AOX1: variants seen among roughly 807,000 people sequenced by gnomAD.
AOX1 encodes aldehyde oxidase 1.
In AOX1, 153 loss-of-function variants were observed where a neutral mutation model predicts 169.5. The ratio of observed to expected loss-of-function variants is 0.90; its 90% CI spans 0.79 to 1.03. The LOEUF (loss-of-function observed/expected upper bound fraction) is 1.03. Ranked by LOEUF, AOX1 falls within the 50% of genes least tolerant of loss-of-function variation. The pLI, the probability that AOX1 is intolerant of heterozygous loss-of-function variation, is 0.00. For synonymous variants in AOX1, 562 were observed against 581.9 expected (o/e 0.97, Z 0.49); for missense variants, 1,656 against 1,663.9 (o/e 1.00, Z 0.08).
chr2:200,666,418 C>G (rs2035925425), intron 31 of AOX1, among the ~76,000 whole-genome samples: 1 of 152,154 alleles, frequency 6.6e-6, no homozygotes, highest in African/African-American at 2.4e-5. Context: ...CATCATACAG[C>G]TTGAATCAAA....
chr2:200,666,361 T>G (rs563950133), intron 31 of AOX1, among the ~76,000 whole-genome samples: 124 of 152,318 alleles, frequency 8.1e-4, no homozygotes, highest in African/African-American at 2.9e-3. Flanking sequence ...TTTCTTTTGT[T>G]GTGTCATATG....
Position 200,595,825 on chromosome 2 carries a change from ACT to A in AOX1, c.200+458_200+459del, listed in dbSNP as rs1231097417. ...TCATATATTACTCTTCCAGCCCCTA[ACT>A]TATCTCCTTCCTCCCATCTGGTGCA... On this transcript the variant is annotated intron_variant, in intron 3 of 34. Transcript: ENST00000374700. Among the ~76,000 whole-genome samples the A allele has an allele frequency of 2.0e-5, 3 of 152,152 alleles. No individual in the cohort carries two copies. In the East Asian group the frequency reaches 5.8e-4, roughly 29 times the overall value.
At chr2:200,649,513 G>C (rs2035536193) in intron 25 of AOX1, among the ~76,000 whole-genome samples, 1 of 152,152 alleles carries the variant, frequency 6.6e-6, no homozygotes, top group Non-Finnish European at 1.5e-5. Flanking sequence ...GGTCCTCTCA[G>C]GATTATTGCT....
intron 24 of AOX1, 131 bp from the exon 25 acceptor site, chr2:200,642,479 A>C: frequency 1.6e-6 from 1 of 607,034 alleles, no homozygotes; most frequent in Non-Finnish European, 2.8e-6. Context: ...AATTGGGGGC[A>C]TGGGAATATT....
chr2:200,647,423 T>C (rs2035478123), intron 25 of AOX1, among the ~76,000 whole-genome samples: 1 of 152,212 alleles, frequency 6.6e-6, no homozygotes, highest in African/African-American at 2.4e-5. Context: ...GAACAATCCT[T>C]TCTAGCTTGT....
Position 200,666,690 on chromosome 2 carries a change from A to T in AOX1, c.3547A>T (p.Ile1183Phe). The change falls in exon 32 of 35, where the codon ATC (isoleucine) becomes TTC (phenylalanine). Residue 1183 changes from isoleucine (I) to phenylalanine (F), a missense_variant. Transcript: ENST00000374700. ...TTTAACTTTTTTTTAATACTAGAAC[A>T]TCAGAACAGACATTGTCATGGATGT... ...IDCLTGDHKN[I>F]RTDIVMDVGC... 1 of 1,605,400 alleles carries T rather than the reference A, an allele frequency of 6.2e-7. No individual in the cohort carries two copies.
chr2:200,628,925 T>TCAAACAAA (rs201174501), intron 20 of AOX1, among the ~76,000 whole-genome samples: 7 of 151,990 alleles, frequency 4.6e-5, no homozygotes, highest in African/African-American at 1.2e-4. Flanking sequence ...AGACTCCATC[T>TCAAACAAA]CAAACAAACA....
chr2:200,603,477 T>C, intron 7 of AOX1, 121 bp downstream of exon 7: 1 of 667,472 alleles, frequency 1.5e-6, no homozygotes. Context: ...ACATGTGCCC[T>C]CTCCCATTCT....
chr2:200,595,493 A>T (rs901971007), intron 3 of AOX1, 125 bp downstream of exon 3: 28 of 575,690 alleles, frequency 4.9e-5, no homozygotes, highest in Non-Finnish European at 8.4e-5. Flanking sequence ...TTGGCGTACA[A>T]TGATGAACAA....
chr2:200,669,133 ATTAC>A (rs947991525), intron 33 of AOX1, among the ~76,000 whole-genome samples: 17 of 152,282 alleles, frequency 1.1e-4, no homozygotes, highest in African/African-American at 3.6e-4. Context: ...AAAAGATTAA[ATTAC>A]TTTTTGAAAC....
At chr2:200,606,574 G>A (rs746601695) in intron 10 of AOX1, among the ~76,000 whole-genome samples, 22 of 152,210 alleles carry the variant, frequency 1.4e-4, no homozygotes, top group Admixed American at 9.2e-4. Flanking sequence ...ACTTTGGGCA[G>A]TATGGCCATT....
chr2:200,655,058 G>C (rs2035655199), intron 26 of AOX1, among the ~76,000 whole-genome samples: 1 of 152,228 alleles, frequency 6.6e-6, no homozygotes, highest in Non-Finnish European at 1.5e-5. Context: ...CATGGGCCAA[G>C]TCCAACTATG....
intron 20 of AOX1, among the ~76,000 whole-genome samples, chr2:200,633,801 G>A (rs1574939229): frequency 6.6e-6 from 1 of 152,152 alleles, no homozygotes; most frequent in East Asian, 1.9e-4. Context: ...TATGTAATGA[G>A]ACTTTAGATC....
rs2035374618 is a variant in AOX1 at position 200,642,670 on chromosome 2, CG to C, written c.2720del (p.Gly907ValfsTer24). On this transcript the variant is annotated frameshift_variant, in exon 25 of 35. Transcript: ENST00000374700. LOFTEE classifies it high-confidence loss of function. ...NAYKFPNLRCRGWACRTNLPS... is the reference protein window; with the variant it reads ...NAYKFPNLRCXGWACRTNLPS... ...TTACAAGTTTCCCAATCTCCGCTGC[CG>C]GGGTTGGGCATGCAGAACCAACCTT... The C allele has an allele frequency of 1.2e-6, 2 of 1,613,966 alleles. No individual in the cohort carries two copies. Among genetic ancestry groups the C allele is most frequent in the Admixed American group, 1.7e-5 (1 of 60,006 alleles).
chr2:200,649,452 G>T (rs2035534749), intron 25 of AOX1, among the ~76,000 whole-genome samples: 1 of 152,104 alleles, frequency 6.6e-6, no homozygotes, highest in South Asian at 2.1e-4. Flanking sequence ...CGGTATTTGG[G>T]GTATCTCCTG....
chr2:200,659,304 C>G lies in AOX1; in HGVS notation c.3300+11C>G. ...GGTTTGGCAGTAAAGGTAACAGTCA[C>G]TGCAGTGGCGTCCAAATCATTAACT... On this transcript the variant is annotated intron_variant, in intron 28 of 34. Coordinates refer to ENST00000374700, the MANE Select transcript of AOX1 (RefSeq NM_001159.4). 6.2e-7 allele frequency: 1 copy of G among 1,609,874 alleles called. No homozygotes were observed. The highest frequency in any genetic ancestry group is 8.5e-7 in the Non-Finnish European group (1 of 1,178,062).
chr2:200,674,643 A>T (rs766079722), downstream of AOX1, among the ~76,000 whole-genome samples: 1 of 152,190 alleles, frequency 6.6e-6, no homozygotes, highest in African/African-American at 2.4e-5. Flanking sequence ...TGCTCACCCA[A>T]TGGTGTCAGG....
At chr2:200,645,399 C>G (rs1319054861) in intron 25 of AOX1, among the ~76,000 whole-genome samples, 2 of 152,254 alleles carry the variant, frequency 1.3e-5, no homozygotes, top group African/African-American at 2.4e-5. Flanking sequence ...TAAACCATCC[C>G]TGTATCCCTG....
intron 4 of AOX1, among the ~76,000 whole-genome samples, chr2:200,599,039 G>T (rs1262071813): frequency 1.3e-5 from 2 of 152,124 alleles, no homozygotes; most frequent in Admixed American, 1.3e-4. Flanking sequence ...CATTGATGCG[G>T]AACTCCCATT....
Sources: gnomAD v4.1 joint callset for allele counts (sites outside exome capture counted in the v4.1 genomes callset) on GRCh38, gnomAD v4.1.1 for gene constraint, MANE v1.5 for transcripts, NCBI Gene and HGNC (gene_info 2026-07-23, HGNC 2026-07-21) for gene names.